Variants in DCC observed in about 807,000 individuals in gnomAD.
DCC encodes netrin receptor DCC.
DCC carries 58 observed loss-of-function variants against 172.5 expected under a neutral mutation model. That is an observed-to-expected ratio of 0.34 (90% CI 0.27 to 0.42). The LOEUF is 0.42. DCC is among the 10% of genes least tolerant of loss of function. The pLI, the probability that DCC is intolerant of heterozygous loss-of-function variation, is 1.00. For synonymous variants in DCC, 709 were observed against 644.5 expected (o/e 1.10, Z -1.52); for missense variants, 1,740 against 1,791.0 (o/e 0.97, Z 0.51).
At chr18:53,267,173 CAG>C (rs779103774) in intron 12 of DCC, among the ~76,000 whole-genome samples, 1 of 150,902 alleles carries the variant, frequency 6.6e-6, no homozygotes, top group Non-Finnish European at 1.5e-5. Context: ...GAGACAGAGA[CAG>C]AGAGACAGAG....
At position 53,060,802 on chromosome 18, in the gene DCC, G is replaced by A. The variant is rs770959509; in HGVS notation, c.986-2503G>A. 1.2e-4 allele frequency among the ~76,000 whole-genome samples: 19 copies of A among 152,178 alleles called. No individual in the cohort carries two copies. In the East Asian group the frequency reaches 2.5e-3, roughly 20 times the overall value. On this transcript the variant is annotated intron_variant, in intron 5 of 28. Coordinates refer to ENST00000442544, the MANE Select transcript of DCC (RefSeq NM_005215.4). ...CCCAAGTTGGAAAAACAGTGAATCT[G>A]TGTGAAACTGTTAGAAAACAGCAAT...
At chr18:52,476,354 C>A (rs1019660613) in intron 1 of DCC, among the ~76,000 whole-genome samples, 1 of 151,976 alleles carries the variant, frequency 6.6e-6, no homozygotes, top group Non-Finnish European at 1.5e-5. Flanking sequence ...TGTTTAGGGG[C>A]GTGTGTGTGT....
At chr18:52,584,164 T>C (rs1298141926) in intron 1 of DCC, among the ~76,000 whole-genome samples, 1 of 152,184 alleles carries the variant, frequency 6.6e-6, no homozygotes. Context: ...TTTTCTTCTT[T>C]GATGAATTCT....
intron 5 of DCC, among the ~76,000 whole-genome samples, chr18:53,057,478 C>T (rs900713747): frequency 4.0e-5 from 6 of 151,884 alleles, no homozygotes; most frequent in East Asian, 1.9e-4. Flanking sequence ...TGTCTCAGCC[C>T]CCCATAAAAA....
intron 5 of DCC, among the ~76,000 whole-genome samples, chr18:52,933,493 G>A (rs985089071): frequency 2.2e-4 from 34 of 151,922 alleles, no homozygotes; most frequent in African/African-American, 7.7e-4. Context: ...ATGTGCAAAG[G>A]TCTGGAAATA....
chr18:52,603,591 T>TACACACACACACACACAC (rs10553153), intron 1 of DCC, among the ~76,000 whole-genome samples: 6 of 144,608 alleles, frequency 4.1e-5, no homozygotes, highest in African/African-American at 1.5e-4. Flanking sequence ...GTGAAGTTAA[T>TACACACACACACACACAC]ACACACACAC....
chr18:52,976,378 T>A (rs2041118507), intron 5 of DCC, among the ~76,000 whole-genome samples: 1 of 152,212 alleles, frequency 6.6e-6, no homozygotes, highest in South Asian at 2.1e-4. Context: ...AATTTTTGCT[T>A]TTGTTGCAAT....
In DCC at chr18:52,703,420, G is replaced by C. The variant is rs570450933; in HGVS notation, c.92-48634G>C. ...TGTCAAATCTGATGTTCTCTTCTCA[G>C]ACCTCATCTTATGGGCTACCTTTAC... On this transcript the variant is annotated intron_variant, in intron 1 of 28. Transcript: ENST00000442544. Among the ~76,000 whole-genome samples the C allele has an allele frequency of 2.6e-5, 4 of 152,212 alleles. No individual in the cohort carries two copies. The South Asian group carries it at 8.3e-4, about 32-fold the overall frequency.
intron 19 of DCC, among the ~76,000 whole-genome samples, chr18:53,404,929 T>C (rs1909566370): frequency 6.6e-6 from 1 of 152,010 alleles, no homozygotes; most frequent in East Asian, 1.9e-4. Flanking sequence ...TGGGAGACAA[T>C]GCTTTTGCCT....
chr18:52,851,251 T>C (rs2038971230), intron 2 of DCC, among the ~76,000 whole-genome samples: 1 of 152,142 alleles, frequency 6.6e-6, no homozygotes, highest in Non-Finnish European at 1.5e-5. Flanking sequence ...ATCTCATTCA[T>C]GGATCATTCT....
intron 1 of DCC, among the ~76,000 whole-genome samples, chr18:52,422,853 G>C (rs1987296134): frequency 6.6e-6 from 1 of 152,150 alleles, no homozygotes; most frequent in Non-Finnish European, 1.5e-5. Flanking sequence ...AATGAGGAAG[G>C]TTGGTCAACA....
chr18:53,493,254 A>G (rs2045979502), intron 26 of DCC, among the ~76,000 whole-genome samples: 1 of 152,190 alleles, frequency 6.6e-6, no homozygotes, highest in African/African-American at 2.4e-5. Context: ...TAAATATACA[A>G]TCATGTCTTC....
At chr18:53,283,952 C>T (rs372411335) in intron 12 of DCC, among the ~76,000 whole-genome samples, 2 of 152,228 alleles carry the variant, frequency 1.3e-5, no homozygotes, top group African/African-American at 4.8e-5. Flanking sequence ...GTGATAAACA[C>T]TATGATGAAA....
chr18:52,583,187 T>C (rs1244148242), intron 1 of DCC, among the ~76,000 whole-genome samples: 1 of 152,204 alleles, frequency 6.6e-6, no homozygotes, highest in African/African-American at 2.4e-5. Flanking sequence ...TGTTTCGTTC[T>C]CTTTTGCCAC....
In DCC at chr18:53,312,214, G is replaced by A. The variant is rs9304444; in HGVS notation, c.2053+6495G>A. Among the ~76,000 whole-genome samples the A allele has an allele frequency of 6.9e-5, 10 of 145,780 alleles. 1 individual carries two copies. In the East Asian group the frequency reaches 1.6e-3, roughly 24 times the overall value. ...TTAGCCTGGTGTGGTGGTGGCGGGC[G>A]TCTGTAGTCCCGGCTACTCAGGAGG... On this transcript the variant is annotated intron_variant, in intron 13 of 28. Transcript: ENST00000442544.
chr18:52,512,636 T>G (rs1408114390), intron 1 of DCC, among the ~76,000 whole-genome samples: 1 of 152,212 alleles, frequency 6.6e-6, no homozygotes, highest in African/African-American at 2.4e-5. Context: ...GAGCGCTTAG[T>G]ATTCAGTCAT....
chr18:53,425,125 C>T (rs1910835528), intron 21 of DCC, among the ~76,000 whole-genome samples: 1 of 151,458 alleles, frequency 6.6e-6, no homozygotes, highest in Non-Finnish European at 1.5e-5. Flanking sequence ...TCTTTTTAAC[C>T]ACTTCTGTTG....
intron 1 of DCC, among the ~76,000 whole-genome samples, chr18:52,697,336 A>T (rs1460887061): frequency 6.6e-6 from 1 of 152,184 alleles, no homozygotes; most frequent in African/African-American, 2.4e-5. Context: ...CTCTTCCAGT[A>T]CTAATGGATT....
intron 2 of DCC, among the ~76,000 whole-genome samples, chr18:52,867,868 A>G (rs1455342780): frequency 2.0e-5 from 3 of 152,154 alleles, no homozygotes; most frequent in African/African-American, 7.2e-5. Context: ...TGAATATACA[A>G]AGGATTTTAA....
Sources: allele counts gnomAD v4.1 joint callset (sites outside exome capture counted in the v4.1 genomes callset), GRCh38; gene constraint gnomAD v4.1.1; transcripts MANE v1.5; gene names NCBI Gene and HGNC (gene_info 2026-07-23, HGNC 2026-07-21).